The following AXIN1 variants were observed in gnomAD, a reference collection of about 807,000 sequenced individuals.
The protein encoded by AXIN1 is axin 1.
AXIN1 carries 30 observed loss-of-function variants against 76.4 expected under a neutral mutation model. The ratio of observed to expected loss-of-function variants is 0.39; its 90% CI spans 0.29 to 0.53. The LOEUF (loss-of-function observed/expected upper bound fraction) is 0.53, where lower values mean the gene tolerates loss of function less well. Among genes scored for constraint, AXIN1 ranks in the 20% least tolerant of loss-of-function variants. The pLI, the probability that AXIN1 is intolerant of heterozygous loss-of-function variation, is 0.66. For missense variants in AXIN1, 1,140 were observed against 1,198.8 expected, an observed-to-expected ratio of 0.95 and a Z score of 0.72; for synonymous variants, 545 against 501.4, an observed-to-expected ratio of 1.09 and a Z score of -1.16.
intron 2 of AXIN1, among the ~76,000 whole-genome samples, chr16:319,056 A>C (rs1252315648): frequency 6.6e-6 from 1 of 152,188 alleles, no homozygotes; most frequent in Non-Finnish European, 1.5e-5. Flanking sequence ...TCAAACAGGA[A>C]AACGTGCACA....
intron 2 of AXIN1, among the ~76,000 whole-genome samples, chr16:336,816 C>CAAAAAAAAA (rs57147459): frequency 1.3e-5 from 1 of 77,082 alleles, no homozygotes; most frequent in African/African-American, 5.2e-5. Flanking sequence ...GACTCCGCCT[C>CAAAAAAAAA]AAAAAAAAAA....
intron 2 of AXIN1, among the ~76,000 whole-genome samples, chr16:340,875 A>G (rs2053902413): frequency 6.6e-6 from 1 of 152,200 alleles, no homozygotes; most frequent in Non-Finnish European, 1.5e-5. Context: ...TGAAACCACC[A>G]CGCGGCTCAC....
At position 297,819 on chromosome 16, in the gene AXIN1, C is replaced by T. The variant is rs746435850; in HGVS notation, c.1687G>A (p.Ala563Thr). ...EATRRAQSSF[A>T]WGLEPHSHGA... The stretch of plus-strand genomic sequence containing the variant: ...TGGCTGTGTGGTTCCAGGCCCCAGG[C>T]GAAGCTGCTCTGGGCCCTGCGGGTG... The change falls in exon 6 of 11, where the codon GCC becomes ACC. Residue 563 changes from alanine to threonine, a missense_variant. Transcript: ENST00000262320. 8.3e-6 allele frequency: 13 copies of T among 1,567,728 alleles called. No homozygotes were observed. In the East Asian group the frequency reaches 1.8e-4, roughly 22 times the overall value.
At chr16:311,751 A>ACAGAGCAAGACTACGTCT (rs1446387232) in intron 3 of AXIN1, among the ~76,000 whole-genome samples, 11 of 152,188 alleles carry the variant, frequency 7.2e-5, no homozygotes, top group Non-Finnish European at 1.6e-4. Context: ...AGTCTGGGCA[A>ACAGAGCAAGACTACGTCT]CAGAGCAAGA....
intron 1 of AXIN1, among the ~76,000 whole-genome samples, chr16:349,364 G>C (rs2141718205): frequency 6.6e-6 from 1 of 152,270 alleles, no homozygotes; most frequent in East Asian, 1.9e-4. Context: ...AGCATGGAGG[G>C]AGCACCCTGG....
rs1016064354 is a variant in AXIN1 at position 345,769 on chromosome 16, C to T, written c.878+379G>A. On this transcript the variant is annotated intron_variant, in intron 2 of 10. Coordinates refer to ENST00000262320, the MANE Select transcript of AXIN1 (RefSeq NM_003502.4). Reference sequence around the variant, plus strand: ...TCCAATTCTTATCGATGCCCTGAAACGTCCACTCCTCCCTTTATTAAGCGG... The same window carrying T: ...TCCAATTCTTATCGATGCCCTGAAATGTCCACTCCTCCCTTTATTAAGCGG... Among the ~76,000 whole-genome samples the T allele has an allele frequency of 2.0e-5, 3 of 151,334 alleles. No individual in the cohort carries two copies. In the South Asian group the frequency reaches 6.3e-4, roughly 32 times the overall value.
At chr16:317,846 G>A (rs182487978) in intron 2 of AXIN1, among the ~76,000 whole-genome samples, 1 of 152,318 alleles carries the variant, frequency 6.6e-6, no homozygotes, top group East Asian at 1.9e-4. Context: ...CAGATCTCAG[G>A]TTAAGTACTA....
intron 8 of AXIN1, chr16:291,813 G>A (rs1417924757): frequency 9.4e-6 from 2 of 212,678 alleles, no homozygotes; most frequent in African/African-American, 2.3e-5. Flanking sequence ...TACACTGGGC[G>A]ACCTTGATGG....
At chr16:326,562 C>A (rs1425093867) in intron 2 of AXIN1, among the ~76,000 whole-genome samples, 1 of 149,524 alleles carries the variant, frequency 6.7e-6, no homozygotes, top group Non-Finnish European at 1.5e-5. Flanking sequence ...TCCTTGCCAA[C>A]ATGGTGAAAC....
intron 3 of AXIN1, among the ~76,000 whole-genome samples, chr16:314,254 A>G (rs1267116039): frequency 2.0e-5 from 3 of 152,242 alleles, no homozygotes; most frequent in African/African-American, 7.2e-5. Context: ...CTTGGAGGAC[A>G]GCCTCTGCGG....
Position 293,177 on chromosome 16 carries a change from G to A in AXIN1, c.2186+311C>T, listed in dbSNP as rs562121159. Reference sequence around the variant, plus strand: ...GAGCAGCCTCTGGCTGGGGACCGGCGTTCCCCACACACTGGGGCCCTGCAG... The same window carrying A: ...GAGCAGCCTCTGGCTGGGGACCGGCATTCCCCACACACTGGGGCCCTGCAG... On this transcript the variant is annotated intron_variant, in intron 8 of 10. Transcript: ENST00000262320. The surrounding 1 kb of genome is among the most constrained non-coding windows in gnomAD (Gnocchi z 4.6). The A allele has an allele frequency of 1.2e-4, 55 of 461,914 alleles. 2 individuals are homozygous for A. The South Asian group carries it at 1.4e-3, about 12-fold the overall frequency. The allele number at this position is 461,914 out of a possible 1,614,324, so 28.6% of individuals were successfully genotyped here.
In AXIN1 at chr16:297,047, G is replaced by A. The variant is rs1365627699; in HGVS notation, c.1955+9C>T. ...GCCCCACGAGGCTGGCTGCGTGCGG[G>A]GTGCTCACCCGTGGCCGGTCCTGCG... On this transcript the variant is annotated intron_variant, in intron 7 of 10. Transcript: ENST00000262320. The A allele has an allele frequency of 6.2e-7, 1 of 1,609,782 alleles. No individual in the cohort carries two copies. Among genetic ancestry groups the A allele is most frequent in the East Asian group, 2.2e-5 (1 of 44,876 alleles).
intron 2 of AXIN1, among the ~76,000 whole-genome samples, chr16:332,318 C>T (rs185441354): frequency 6.6e-6 from 1 of 152,204 alleles, no homozygotes; most frequent in Non-Finnish European, 1.5e-5. Context: ...TGGCTCACGC[C>T]TGTAATCCCA....
chr16:343,443 T>C (rs188815249), intron 2 of AXIN1, among the ~76,000 whole-genome samples: 4 of 152,036 alleles, frequency 2.6e-5, no homozygotes, highest in Admixed American at 2.6e-4. Context: ...GGCTCACACC[T>C]GGAATCCCAG....
At chr16:291,663 C>T (rs1451506084) in intron 8 of AXIN1, 8 of 373,648 alleles carry the variant, frequency 2.1e-5, no homozygotes, top group South Asian at 1.1e-4. Flanking sequence ...AATTCCCCAC[C>T]GATAGCGTGG....
rs763742709 is a variant in AXIN1, at chr16:346,788, G to C, written c.238C>G (p.Pro80Ala). 1 of 1,612,082 alleles carries C rather than the reference G, an allele frequency of 6.2e-7. No individual in the cohort carries two copies. The highest frequency in any genetic ancestry group is 8.5e-7 in the Non-Finnish European group (1 of 1,178,410). ...YEPEGSASPTPPYLKWAESLH... is the reference protein window; with the variant it reads ...YEPEGSASPTAPYLKWAESLH... ...GACTCAGCCCACTTCAAGTATGGTG[G>C]GGTGGGGGAGGCACTGCCCTCAGGC... Residue 80 changes from proline (P) to alanine (A), a missense_variant, in exon 2 of 11, where the codon CCA (proline) becomes GCA (alanine). Physicochemically the swap from Pro to Ala is conservative, Grantham distance 27. Around this residue, in one of 3 missense-constraint regions of AXIN1, gnomAD observed 708 missense variants for 776.9 expected, o/e 0.91. Coordinates refer to ENST00000262320, the MANE Select transcript of AXIN1 (RefSeq NM_003502.4).
intron 4 of AXIN1, 29 bp downstream of exon 4, chr16:309,944 G>C (rs372286097): frequency 1.2e-6 from 2 of 1,607,522 alleles, no homozygotes; most frequent in East Asian, 4.5e-5. Context: ...GGAGGACGAT[G>C]GGCTGAGGAC....
chr16:291,745 A>G (rs955626469), intron 8 of AXIN1: 2 of 305,376 alleles, frequency 6.5e-6, no homozygotes, highest in East Asian at 1.9e-4. Context: ...CGGCGCCACA[A>G]CTGAGGCCAT....
rs1338553323 is a variant in AXIN1, at chr16:304,600, T to A, written c.1117-159A>T. ...CCCAGGCTGGAGTGCAATGGCGTGATCTTGGCTCACTGCAACCTCTGCTTC... is the reference window on the plus strand; with the variant it reads ...CCCAGGCTGGAGTGCAATGGCGTGAACTTGGCTCACTGCAACCTCTGCTTC... On this transcript the variant is annotated intron_variant, in intron 4 of 10. Coordinates refer to ENST00000262320, the MANE Select transcript of AXIN1 (RefSeq NM_003502.4). Among the ~76,000 whole-genome samples, 4 of 152,330 alleles carry A rather than the reference T, an allele frequency of 2.6e-5. No homozygotes were observed. In the South Asian group the frequency reaches 8.3e-4, roughly 32 times the overall value.
Sources: allele counts gnomAD v4.1 joint callset (sites outside exome capture counted in the v4.1 genomes callset), GRCh38; gene constraint gnomAD v4.1.1; regional missense constraint gnomAD v4.1.1; non-coding constraint Gnocchi (gnomAD v3.1); transcripts MANE v1.5; gene names NCBI Gene and HGNC (gene_info 2026-07-23, HGNC 2026-07-21).